The following PPRC1 variants were observed in gnomAD, a reference collection of about 807,000 sequenced individuals.
PPRC1 encodes PPARG related coactivator 1.
In PPRC1, 23 loss-of-function variants were observed where a neutral mutation model predicts 132.5. That is an observed-to-expected ratio of 0.17 (90% CI 0.12 to 0.25). PPRC1 has a LOEUF of 0.25. PPRC1 is among the 10% of genes least tolerant of loss of function. The pLI is 1.00. For missense variants in PPRC1, 2,006 were observed against 2,089.1 expected (o/e 0.96, Z 0.78); for synonymous variants, 872 against 833.5 (o/e 1.05, Z -0.80).
rs763550535 is a variant in PPRC1, at chr10:102,148,885, G to A, written c.4686G>A (p.Arg1562=). Residue 1562 remains arginine (R), a synonymous_variant, in exon 12 of 14, where the codon AGG becomes AGA. Transcript: ENST00000278070. The surrounding 1 kb of genome is among the most constrained non-coding windows in gnomAD (Gnocchi z 4.2). ...GRMTRSELKQ[R]FSVFGEIEEC... ...TGACTCGATCAGAGCTGAAACAGAGGTTCTCCGTTTTTGGAGAGATTGAGG... is the reference window on the plus strand; with the variant it reads ...TGACTCGATCAGAGCTGAAACAGAGATTCTCCGTTTTTGGAGAGATTGAGG... The A allele has an allele frequency of 1.9e-6, 3 of 1,614,208 alleles. No homozygotes were observed. The highest frequency in any genetic ancestry group is 1.3e-5 in the African/African-American group (1 of 75,056).
intron 6 of PPRC1, among the ~76,000 whole-genome samples, chr10:102,143,688 TGA>T (rs2069098290): frequency 1.3e-5 from 2 of 151,794 alleles, no homozygotes; most frequent in African/African-American, 4.8e-5. Flanking sequence ...GGCTGGGCAT[TGA>T]AAGACAGGTA....
Position 102,148,740 on chromosome 10 carries a change from G to T in PPRC1, c.4617+46G>T. 2 of 1,614,088 alleles carry T rather than the reference G, an allele frequency of 1.2e-6. No individual in the cohort carries two copies. The highest frequency in any genetic ancestry group is 1.1e-5 in the South Asian group (1 of 91,078). ...TGGGAGGATGGGGCTTACCCCCTGA[G>T]CCTTGAGCTCAGAGAGCTGCCTGCA... On this transcript the variant is annotated intron_variant, in intron 11 of 13. Transcript: ENST00000278070. This position sits in a 1 kb window ranked among gnomAD's most constrained non-coding sequence, Gnocchi z 4.2.
Position 102,137,857 on chromosome 10 carries a change from T to C in PPRC1, c.161T>C (p.Leu54Pro). The C allele has an allele frequency of 6.2e-7, 1 of 1,613,754 alleles. No homozygotes were observed. Among genetic ancestry groups the C allele is most frequent in the Non-Finnish European group, 8.5e-7 (1 of 1,179,840 alleles). Residue 54 changes from leucine to proline, a missense_variant, in exon 2 of 14, where the codon CTG becomes CCG. This residue lies in a region of PPRC1 where 1,914 missense variants were observed against 1,917.2 expected (regional missense o/e 1.00). Transcript: ENST00000278070. ...CCTTCTTCTCTGCTCCAGGTGCTGC[T>C]GCATGAGGAGGCGGGTGATTCTGGC... ...GAVSGGEQVL[L>P]HEEAGDSGFV...
Position 102,137,894 on chromosome 10 carries a change from C to G in PPRC1, c.198C>G (p.Leu66=), listed in dbSNP as rs760298779. 5.0e-6 allele frequency: 8 copies of G among 1,614,100 alleles called. No individual in the cohort carries two copies. In the East Asian group the frequency reaches 6.7e-5, roughly 13 times the overall value. Residue 66 remains leucine (L), a synonymous_variant, in exon 2 of 14, where the codon CTC becomes CTG. Transcript: ENST00000278070. ...EEAGDSGFVS[L]SRLGPSLRDK... ...CGGGTGATTCTGGCTTTGTCAGTCT[C>G]TCTCGGCTGGGCCCATCTCTGAGGG...
the PPRC1 span, among the ~76,000 whole-genome samples, chr10:102,127,019 TCATATATATATATATATATATA>T: frequency 5.1e-5 from 4 of 78,884 alleles, no homozygotes; most frequent in African/African-American, 1.5e-4. Context: ...TGGTTTTTTA[TCATATATATATATATATATATA>T]TATATATATA....
intron 4 of PPRC1, 34 bp downstream of exon 4, chr10:102,139,014 A>C (rs778506664): frequency 1.2e-6 from 2 of 1,604,000 alleles, no homozygotes; most frequent in Admixed American, 1.7e-5. Context: ...AGAAACTCCC[A>C]GGTGGGAGGA....
At chr10:102,138,588 G>T (rs768863674) in intron 2 of PPRC1, 31 bp from the exon 3 acceptor site, 1 of 1,610,952 alleles carries the variant, frequency 6.2e-7, no homozygotes, top group Non-Finnish European at 8.5e-7. Flanking sequence ...AGGGATGTTG[G>T]TAGGACCTTC....
In PPRC1 at chr10:102,148,374, C is replaced by T. The variant is rs1255711176; in HGVS notation, c.4403C>T (p.Ser1468Phe). The change falls in exon 10 of 14, where the codon TCC becomes TTC. Residue 1468 changes from serine to phenylalanine, a missense_variant and splice_region_variant. By Grantham distance (155) the Ser-to-Phe change is radical. Transcript: ENST00000278070. This position sits in a 1 kb window ranked among gnomAD's most constrained non-coding sequence, Gnocchi z 4.2. ...CTGCATGCCCTCTTATCCTTCAGGT[C>T]CAGCTGTAGTTCCTCTGGACGTTCT... ...LSPPHKRWRR[S>F]SCSSSGRSRR... 1.2e-6 allele frequency: 2 copies of T among 1,612,916 alleles called. No homozygotes were observed. The highest frequency in any genetic ancestry group is 2.2e-5 in the East Asian group (1 of 44,872).
At chr10:102,138,838 C>T (rs1356028260) in intron 3 of PPRC1, 41 bp from the exon 4 acceptor site, 1 of 1,612,004 alleles carries the variant, frequency 6.2e-7, no homozygotes, top group Middle Eastern at 1.7e-4. Context: ...TCATATAGCT[C>T]TGAAGCATAG....
chr10:102,138,965 C>T lies in PPRC1; in HGVS notation c.576C>T (p.Ser192=), dbSNP rs1467703303. Residue 192 remains serine (S), a synonymous_variant, in exon 4 of 14, where the codon AGC becomes AGT. Transcript: ENST00000278070. The part of the protein sequence containing the change: ...PVDPLGPSTG[S]SRGSGVEMSL... ...ACCCACTGGGGCCCAGTACAGGCAG[C>T]AGTAGAGGGAGTGGGGTAAGCCTGA... The T allele has an allele frequency of 1.9e-6, 3 of 1,613,824 alleles. No individual in the cohort carries two copies. Among genetic ancestry groups the T allele is most frequent in the Non-Finnish European group, 2.5e-6 (3 of 1,179,708 alleles).
chr10:102,138,012 A>G lies in PPRC1; in HGVS notation c.316A>G (p.Ile106Val). 1 of 1,613,820 alleles carries G rather than the reference A, an allele frequency of 6.2e-7. No homozygotes were observed. Among genetic ancestry groups the G allele is most frequent in the South Asian group, 1.1e-5 (1 of 91,050 alleles). The change falls in exon 2 of 14, where the codon ATT becomes GTT. Residue 106 changes from isoleucine to valine, a missense_variant. Physicochemically the swap from Ile to Val is conservative, Grantham distance 29. Coordinates refer to ENST00000278070, the MANE Select transcript of PPRC1 (RefSeq NM_015062.5). ...CATGGATGCCTCCCTTATCTCCCTC[A>G]TTGAGGATTTTGGGAGCCTTGGAGA... ...SYMDASLISLIEDFGSLGESR... is the reference protein window; with the variant it reads ...SYMDASLISLVEDFGSLGESR...
chr10:102,146,406 T>G (rs2069247251), intron 8 of PPRC1, among the ~76,000 whole-genome samples: 1 of 151,970 alleles, frequency 6.6e-6, no homozygotes, highest in Non-Finnish European at 1.5e-5. Flanking sequence ...ATGGAGAGCT[T>G]AGACTCTAGG....
chr10:102,141,385 C>G lies in PPRC1; in HGVS notation c.2877C>G (p.Cys959Trp), dbSNP rs773710340. Reference protein sequence around the residue: ...TPGAYAVPPTCSVPWAPPPAP... With the variant: ...TPGAYAVPPTWSVPWAPPPAP... ...GTGCCTATGCCGTGCCTCCCACTTGCAGTGTGCCTTGGGCACCCCCTCCTG... is the reference window on the plus strand; with the variant it reads ...GTGCCTATGCCGTGCCTCCCACTTGGAGTGTGCCTTGGGCACCCCCTCCTG... Residue 959 changes from cysteine to tryptophan, a missense_variant, in exon 5 of 14, where the codon TGC becomes TGG. By Grantham distance (215) the Cys-to-Trp change is radical (BLOSUM62 -2). Transcript: ENST00000278070. 8.1e-6 allele frequency: 13 copies of G among 1,613,978 alleles called. No homozygotes were observed. The highest frequency in any genetic ancestry group is 1.1e-5 in the Non-Finnish European group (13 of 1,180,034).
At chr10:102,145,870 AAAAC>A (rs1053933850) in intron 8 of PPRC1, among the ~76,000 whole-genome samples, 12 of 152,048 alleles carry the variant, frequency 7.9e-5, no homozygotes, top group East Asian at 2.0e-4. Context: ...GTCTTTAAAA[AAAAC>A]AAACAACAAA....
At chr10:102,147,430 G>T (rs745369700) in intron 9 of PPRC1, 38 bp downstream of exon 9, 3 of 1,557,846 alleles carry the variant, frequency 1.9e-6, no homozygotes, top group Non-Finnish European at 2.6e-6. Flanking sequence ...CTCCATTTAG[G>T]AAGTTCACGT....
At chr10:102,136,416 GTC>G (rs2068724416) in intron 1 of PPRC1, among the ~76,000 whole-genome samples, 1 of 152,040 alleles carries the variant, frequency 6.6e-6, no homozygotes, top group African/African-American at 2.4e-5. Flanking sequence ...GGTCTGGCCT[GTC>G]TGTATGTGAT....
the PPRC1 span, among the ~76,000 whole-genome samples, chr10:102,126,693 A>G: frequency 2.0e-5 from 3 of 152,098 alleles, no homozygotes; most frequent in East Asian, 3.9e-4. Context: ...TCCTGACCTC[A>G]GGTGATCCGC....
At chr10:102,144,443 C>A in intron 7 of PPRC1, 136 bp downstream of exon 7, 1 of 785,524 alleles carries the variant, frequency 1.3e-6, no homozygotes, top group East Asian at 2.7e-5. Context: ...TTTCCCCACC[C>A]CTTACTCTGC....
At chr10:102,138,560 G>A (rs948621097) in intron 2 of PPRC1, 59 bp from the exon 3 acceptor site, 44 of 1,582,764 alleles carry the variant, frequency 2.8e-5, no homozygotes, top group Non-Finnish European at 3.7e-5. Context: ...CCAGTCCTTA[G>A]TGGCATAGTA....
Sources: allele counts gnomAD v4.1 joint callset (sites outside exome capture counted in the v4.1 genomes callset), GRCh38; gene constraint gnomAD v4.1.1; regional missense constraint gnomAD v4.1.1; non-coding constraint Gnocchi (gnomAD v3.1); transcripts MANE v1.5; gene names NCBI Gene and HGNC (gene_info 2026-07-23, HGNC 2026-07-21).